TRAPPC2L: variants seen among roughly 807,000 people sequenced by gnomAD.
TRAPPC2L encodes trafficking protein particle complex subunit 2L.
Under a neutral mutation model 13.2 loss-of-function variants are expected in TRAPPC2L, and 17 were observed. The ratio of observed to expected loss-of-function variants is 1.29; its 90% CI spans 0.88 to 1.93. TRAPPC2L has a LOEUF of 1.93. Ranked by LOEUF, TRAPPC2L falls within the 30% of genes most tolerant of loss-of-function variation. The probability of loss-of-function intolerance (pLI) is 0.00; values close to 1 mark genes in which losing one functional copy is unlikely to be tolerated. For missense variants in TRAPPC2L, 359 were observed against 252.1 expected (o/e 1.42, Z -2.87); for synonymous variants, 150 against 98.1 (o/e 1.53, Z -3.12).
Position 88,860,084 on chromosome 16 carries a change from C to T in TRAPPC2L, c.486C>T (p.Ser162=), listed in dbSNP as rs1452945589. ...ATAAGGGAGGAAAGATCTTTTTAAG[C>T]TATGAGCACCATCCCCCTAGGGCAG... The change falls in exon 4 of 4, where the codon AGC becomes AGT. Residue 162 remains serine (S), a synonymous_variant. Coordinates refer to ENST00000565504, the Ensembl canonical transcript of TRAPPC2L. The T allele has an allele frequency of 4.9e-6, 5 of 1,024,846 alleles. No individual in the cohort carries two copies. In the African/African-American group the frequency reaches 5.1e-5, roughly 11 times the overall value. 63.5% of individuals were successfully genotyped at this position (1,024,846 alleles called of 1,614,324 possible). A position where few individuals can be genotyped will look rare whatever the true frequency, so the allele number is the denominator to read the frequency against.
chr16:88,859,520 C>T, intron 2 of TRAPPC2L, 143 bp from the exon 3 acceptor site: 1 of 830,676 alleles, frequency 1.2e-6, no homozygotes, highest in Non-Finnish European at 2.1e-6. Context: ...AGGCTTGTAC[C>T]CAGCACGGCC....
chr16:88,860,401 T>A (rs942454602), exon 4 of TRAPPC2L: 3 of 611,446 alleles, frequency 4.9e-6, no homozygotes, highest in African/African-American at 3.7e-5. Context: ...GTAAACAGAT[T>A]TAACTTTTGA....
exon 4 of TRAPPC2L, chr16:88,859,993 C>T: frequency 6.2e-7 from 1 of 1,610,144 alleles, no homozygotes; most frequent in Non-Finnish European, 8.5e-7. Flanking sequence ...CTTTCTGTGT[C>T]TTGCCACCTT....
upstream of TRAPPC2L, chr16:88,857,055 G>A (rs1967963787): frequency 6.9e-7 from 1 of 1,458,218 alleles, no homozygotes; most frequent in East Asian, 2.8e-5. Context: ...GTGGGGCGGG[G>A]CCTGAGCCAG....
At chr16:88,856,738 G>A, upstream of TRAPPC2L, 1 of 630,834 alleles carries the variant, frequency 1.6e-6, no homozygotes. Context: ...GCCCTGCCCC[G>A]TCCCACCGCC....
At chr16:88,859,208 C>T (rs1022292838) in intron 2 of TRAPPC2L, 12 of 495,820 alleles carry the variant, frequency 2.4e-5, no homozygotes, top group Non-Finnish European at 3.5e-5. Flanking sequence ...CACTTGAGGC[C>T]ATGGAATTCA....
upstream of TRAPPC2L, chr16:88,856,958 G>A (rs1052147075): frequency 4.9e-6 from 7 of 1,429,664 alleles, no homozygotes; most frequent in Non-Finnish European, 6.3e-6. Flanking sequence ...GGGCTGCGGG[G>A]CGGGGCCTGG....
chr16:88,857,808 A>G (rs965649583), intron 1 of TRAPPC2L, among the ~76,000 whole-genome samples: 1 of 152,112 alleles, frequency 6.6e-6, no homozygotes, highest in South Asian at 2.1e-4. Flanking sequence ...TGGCCCACAT[A>G]CATTTCAACT....
chr16:88,859,920 A>G (rs1344662669), exon 4 of TRAPPC2L: 3 of 1,555,404 alleles, frequency 1.9e-6, no homozygotes, highest in Non-Finnish European at 2.6e-6. Context: ...CAACTCCTAC[A>G]CAGACGTGAT....
exon 4 of TRAPPC2L, chr16:88,862,022 C>T (rs1968423746): frequency 1.7e-5 from 3 of 180,926 alleles, no homozygotes; most frequent in African/African-American, 4.8e-5. Context: ...TGGAATGGGC[C>T]GAGGCACACC....
exon 4 of TRAPPC2L, chr16:88,860,073 A>G (rs1968282119): frequency 1.7e-6 from 2 of 1,159,554 alleles, no homozygotes; most frequent in South Asian, 1.2e-5. Context: ...GGGAGGAAAG[A>G]TCTTTTTAAG....
chr16:88,861,683 C>T, exon 4 of TRAPPC2L: 1 of 485,852 alleles, frequency 2.1e-6, no homozygotes, highest in Non-Finnish European at 4.2e-6. Flanking sequence ...ATAGTGGCGT[C>T]AGTGCCGCCG....
At position 88,861,428 on chromosome 16, in the gene TRAPPC2L, T is replaced by C. The variant is rs77782655; in HGVS notation, c.*1104T>C. ...CTTCCCACAGGGGAGGGCCCTCCTCTTTCTGGACTTGGCCTCCATTCTTTG... is the reference window on the plus strand; with the variant it reads ...CTTCCCACAGGGGAGGGCCCTCCTCCTTCTGGACTTGGCCTCCATTCTTTG... On this transcript the variant is annotated 3_prime_UTR_variant, in exon 4 of 4. Transcript: ENST00000565504. 7.9e-3 allele frequency: 2,761 copies of C among 347,620 alleles called. 67 individuals are homozygous for C. The highest frequency in any genetic ancestry group is 0.057 in the African/African-American group (2,636 of 46,480). The allele number at this position is 347,620 out of a possible 1,614,324, so 21.5% of individuals were successfully genotyped here. A position where few individuals can be genotyped will look rare whatever the true frequency, so the allele number is the denominator to read the frequency against.
chr16:88,860,426 A>G (rs1012388000), exon 4 of TRAPPC2L: 3 of 607,674 alleles, frequency 4.9e-6, no homozygotes, highest in African/African-American at 1.8e-5. Context: ...CATGAGGGAA[A>G]TGTGGGGTCC....
exon 4 of TRAPPC2L, chr16:88,860,857 T>C: frequency 1.3e-6 from 2 of 1,549,596 alleles, no homozygotes; most frequent in Non-Finnish European, 8.7e-7. Flanking sequence ...GGCCCGTCTC[T>C]GAGCAGAGGG....
chr16:88,860,321 C>G, exon 4 of TRAPPC2L: 1 of 690,054 alleles, frequency 1.4e-6, no homozygotes. Context: ...TTGTAGCTAC[C>G]TGATCTTTTA....
chr16:88,862,258 G>A (rs371987926), exon 4 of TRAPPC2L: 71 of 152,640 alleles, frequency 4.7e-4, no homozygotes, highest in South Asian at 1.4e-3. Flanking sequence ...TCTTTCCTCC[G>A]TACTAACAGA....
At chr16:88,856,745 C>T (rs558911063), upstream of TRAPPC2L, 289 of 1,503,368 alleles carry the variant, frequency 1.9e-4, 5 homozygotes, top group South Asian at 3.5e-3. Flanking sequence ...CCCGTCCCAC[C>T]GCCCGCACTC....
upstream of TRAPPC2L, chr16:88,856,378 A>G (rs1967880925): frequency 1.1e-5 from 8 of 701,300 alleles, no homozygotes; most frequent in South Asian, 1.0e-4. Flanking sequence ...CTGCGCGCCC[A>G]CCTTTCCCAA....
Sources: allele counts gnomAD v4.1 joint callset (sites outside exome capture counted in the v4.1 genomes callset), GRCh38; gene constraint gnomAD v4.1.1; transcripts MANE v1.5; gene names NCBI Gene and HGNC (gene_info 2026-07-23, HGNC 2026-07-21).